The following POU6F2 variants were observed in gnomAD, a reference collection of about 807,000 sequenced individuals.
POU6F2 encodes the protein POU class 6 homeobox 2.
Under a neutral mutation model 71.3 loss-of-function variants are expected in POU6F2, and 31 were observed. The observed-to-expected ratio is 0.43, with a 90% confidence interval of 0.33 to 0.59. The LOEUF is 0.59. POU6F2 is among the 20% of genes least tolerant of loss of function. The probability of loss-of-function intolerance (pLI) is 0.04; values close to 1 mark genes in which losing one functional copy is unlikely to be tolerated. For synonymous variants in POU6F2, 347 were observed against 355.7 expected (o/e 0.98, Z 0.27); for missense variants, 783 against 856.8 (o/e 0.91, Z 1.07).
At chr7:39,131,301 C>A (rs1285267688) in intron 2 of POU6F2, among the ~76,000 whole-genome samples, 1 of 152,170 alleles carries the variant, frequency 6.6e-6, no homozygotes, top group Non-Finnish European at 1.5e-5. Flanking sequence ...GTGAAAAATT[C>A]CATCCCGCAT....
chr7:39,435,521 G>T (rs1385794055), intron 7 of POU6F2, among the ~76,000 whole-genome samples: 1 of 152,122 alleles, frequency 6.6e-6, no homozygotes, highest in Non-Finnish European at 1.5e-5. Context: ...GTAAATTCTG[G>T]ATATTAGACC....
At chr7:39,207,002 G>A (rs145002385) in intron 3 of POU6F2, among the ~76,000 whole-genome samples, 4 of 152,120 alleles carry the variant, frequency 2.6e-5, no homozygotes, top group South Asian at 4.2e-4. Flanking sequence ...GTAGTATTTC[G>A]TTGCTCTTTT....
At chr7:39,401,987 C>T (rs745742930) in intron 5 of POU6F2, among the ~76,000 whole-genome samples, 1 of 152,152 alleles carries the variant, frequency 6.6e-6, no homozygotes, top group Non-Finnish European at 1.5e-5. Flanking sequence ...TAAATTGCCT[C>T]ATCATGCTGC....
intron 4 of POU6F2, among the ~76,000 whole-genome samples, chr7:39,271,638 C>A (rs1422488399): frequency 2.0e-5 from 3 of 152,102 alleles, no homozygotes; most frequent in African/African-American, 7.2e-5. Flanking sequence ...ATCCCAGCAG[C>A]GTGAGCTTTG....
At chr7:39,350,930 T>G (rs1426900056) in intron 5 of POU6F2, among the ~76,000 whole-genome samples, 1 of 152,208 alleles carries the variant, frequency 6.6e-6, no homozygotes. Context: ...GAGAAGATTT[T>G]CCAAGTTTAC....
chr7:39,448,481 A>G (rs1233727553), intron 7 of POU6F2, among the ~76,000 whole-genome samples: 2 of 152,206 alleles, frequency 1.3e-5, no homozygotes, highest in African/African-American at 4.8e-5. Context: ...TTTACTTTGG[A>G]AGAAAAATAT....
At chr7:39,418,588 G>A (rs984682870) in intron 6 of POU6F2, among the ~76,000 whole-genome samples, 10 of 151,948 alleles carry the variant, frequency 6.6e-5, no homozygotes, top group African/African-American at 2.2e-4. Flanking sequence ...TACTTGGGAA[G>A]CTGAGGCAAG....
At chr7:39,208,803 C>T (rs891097566) in intron 4 of POU6F2, among the ~76,000 whole-genome samples, 1 of 152,168 alleles carries the variant, frequency 6.6e-6, no homozygotes, top group African/African-American at 2.4e-5. Flanking sequence ...GAAGCCAGAT[C>T]TCAAGATTAA....
intron 5 of POU6F2, among the ~76,000 whole-genome samples, chr7:39,344,411 G>C (rs1024433282): frequency 1.3e-5 from 2 of 152,122 alleles, no homozygotes; most frequent in African/African-American, 2.4e-5. Flanking sequence ...CCTCTGTTGC[G>C]CAGTGGGCAT....
chr7:39,114,279 T>G (rs149858406), intron 2 of POU6F2, among the ~76,000 whole-genome samples: 1 of 152,340 alleles, frequency 6.6e-6, no homozygotes, highest in East Asian at 1.9e-4. Flanking sequence ...AGTAAAAATC[T>G]TATCCATCTC....
chr7:39,267,405 A>T (rs932615564), intron 4 of POU6F2, among the ~76,000 whole-genome samples: 1 of 152,198 alleles, frequency 6.6e-6, no homozygotes, highest in Non-Finnish European at 1.5e-5. Context: ...CATTGAGTGT[A>T]TATTTCTAAG....
At chr7:39,311,316 C>A (rs1044260359) in intron 4 of POU6F2, among the ~76,000 whole-genome samples, 1 of 151,982 alleles carries the variant, frequency 6.6e-6, no homozygotes, top group Non-Finnish European at 1.5e-5. Context: ...AGTCATATCA[C>A]CCCTCTGCTC....
intron 1 of POU6F2, among the ~76,000 whole-genome samples, chr7:39,009,286 T>C (rs1193541154): frequency 2.0e-5 from 3 of 151,720 alleles, no homozygotes; most frequent in Non-Finnish European, 4.4e-5. Flanking sequence ...TTTGAAGCAA[T>C]TGTGAATGGG....
chr7:39,016,984 T>A (rs982203764), intron 1 of POU6F2, among the ~76,000 whole-genome samples: 9 of 152,192 alleles, frequency 5.9e-5, no homozygotes, highest in Non-Finnish European at 4.4e-5. Flanking sequence ...AACCCGTGAA[T>A]GTCATAAATG....
intron 2 of POU6F2, among the ~76,000 whole-genome samples, chr7:39,172,238 G>A (rs925583076): frequency 1.3e-5 from 2 of 151,974 alleles, no homozygotes; most frequent in South Asian, 2.1e-4. Flanking sequence ...TTTTAGTATC[G>A]TTGTAAACTC....
In POU6F2 at chr7:39,464,631, C is replaced by A. The variant is rs137959267; in HGVS notation, c.2108C>A (p.Pro703Gln). The A allele has an allele frequency of 6.2e-7, 1 of 1,609,106 alleles. No homozygotes were observed. Among genetic ancestry groups the A allele is most frequent in the Non-Finnish European group, 8.5e-7 (1 of 1,177,772 alleles). The change falls in exon 10 of 10, where the codon CCG becomes CAG. Residue 703 changes from proline to glutamine, a missense_variant. Physicochemically the swap from Pro to Gln is moderately conservative, Grantham distance 76 (BLOSUM62 -1). Transcript: ENST00000518318. This position sits in a 1 kb window ranked among gnomAD's most constrained non-coding sequence, Gnocchi z 4.1. ...NTIKRLKQHE[P>Q]ATAVPLEPLT... ...ATTAAACGCTTAAAACAGCACGAGC[C>A]GGCCACGGCAGTCCCTTTGGAGCCC...
intron 1 of POU6F2, among the ~76,000 whole-genome samples, chr7:39,074,976 C>G (rs1790969252): frequency 6.6e-6 from 1 of 152,182 alleles, no homozygotes; most frequent in South Asian, 2.1e-4. Context: ...GCTCAGAGAA[C>G]TGTGCCCTTC....
At chr7:39,241,300 A>G (rs755497462) in intron 4 of POU6F2, among the ~76,000 whole-genome samples, 1 of 152,194 alleles carries the variant, frequency 6.6e-6, no homozygotes, top group Non-Finnish European at 1.5e-5. Context: ...CCAGAATTAA[A>G]TATCTGTTTA....
intron 4 of POU6F2, among the ~76,000 whole-genome samples, chr7:39,326,683 TAAA>T (rs1379001569): frequency 2.0e-5 from 3 of 152,248 alleles, no homozygotes; most frequent in African/African-American, 7.2e-5. Flanking sequence ...TTTTTTGTCT[TAAA>T]GAAGATCTTG....
Sources: gnomAD v4.1 joint callset for allele counts (sites outside exome capture counted in the v4.1 genomes callset) on GRCh38, gnomAD v4.1.1 for gene constraint, Gnocchi (gnomAD v3.1) non-coding constraint, MANE v1.5 for transcripts, NCBI Gene and HGNC (gene_info 2026-07-23, HGNC 2026-07-21) for gene names.